Variants in RTN4 observed in about 807,000 individuals in gnomAD.
RTN4 encodes the protein reticulon-4.
RTN4 carries 32 observed loss-of-function variants against 90.4 expected under a neutral mutation model. The ratio of observed to expected loss-of-function variants is 0.35; its 90% confidence interval spans 0.27 to 0.48. The LOEUF is 0.48. Among genes scored for constraint, RTN4 ranks in the 20% least tolerant of loss-of-function variants. RTN4 has a pLI of 0.99. For missense variants in RTN4, 1,706 were observed against 1,430.2 expected (o/e 1.19, Z -3.11); for synonymous variants, 629 against 552.5 (o/e 1.14, Z -1.94).
intron 2 of RTN4, among the ~76,000 whole-genome samples, chr2:55,070,594 C>G (rs909631408): frequency 4.7e-5 from 7 of 150,442 alleles, no homozygotes; most frequent in African/African-American, 1.7e-4. Flanking sequence ...ATAAAATACT[C>G]CCTCCCATTT....
At chr2:55,104,003 G>A (rs1340842082) in intron 1 of RTN4, among the ~76,000 whole-genome samples, 1 of 151,266 alleles carries the variant, frequency 6.6e-6, no homozygotes, top group African/African-American at 2.4e-5. Flanking sequence ...CCTATGTGTA[G>A]CTTTTTATAT....
At chr2:55,020,862 G>T (rs1408760268) in intron 3 of RTN4, among the ~76,000 whole-genome samples, 1 of 151,924 alleles carries the variant, frequency 6.6e-6, no homozygotes, top group East Asian at 1.9e-4. Flanking sequence ...AATTAGCCAG[G>T]CATAGTGACA....
chr2:55,104,811 T>C (rs1457495595), intron 1 of RTN4, among the ~76,000 whole-genome samples: 1 of 151,770 alleles, frequency 6.6e-6, no homozygotes, highest in East Asian at 1.9e-4. Context: ...AGTTTTTTGT[T>C]ATATATGTCT....
At chr2:54,973,291 T>C (rs559160355) in intron 8 of RTN4, 93 bp from the exon 9 acceptor site, 1 of 1,151,912 alleles carries the variant, frequency 8.7e-7, no homozygotes, top group East Asian at 2.5e-5. Context: ...ATTCAGCTAA[T>C]ACAATAAATG....
In RTN4 at chr2:55,063,789, G is replaced by A. The variant is rs983199982; in HGVS notation, c.-63+16700C>T. 2.0e-5 allele frequency among the ~76,000 whole-genome samples: 3 copies of A among 152,000 alleles called. No individual in the cohort carries two copies. The East Asian group carries it at 5.8e-4, about 29-fold the overall frequency. On this transcript the variant is annotated intron_variant, in intron 2 of 3. Coordinates refer to the RTN4 transcript ENST00000427710. ...CCACCTACTTGGGAAGTTGAGGCAG[G>A]AGAATTGCTTGAACCTGGGAGGCAG...
intron 1 of RTN4, among the ~76,000 whole-genome samples, chr2:55,047,945 G>A (rs964901218): frequency 5.3e-5 from 8 of 152,170 alleles, no homozygotes; most frequent in African/African-American, 1.9e-4. Context: ...AGGGGGAACA[G>A]GATCTGAGAA....
chr2:55,049,052 G>A, intron 1 of RTN4: 2 of 964,556 alleles, frequency 2.1e-6, no homozygotes, highest in South Asian at 4.8e-5. Flanking sequence ...TCACACCCCG[G>A]GGAGCTGGGC....
Position 55,027,465 on chromosome 2 carries a change from G to T in RTN4, c.634C>A (p.Gln212Lys). The T allele has an allele frequency of 6.2e-7, 1 of 1,607,658 alleles. No individual in the cohort carries two copies. The highest frequency in any genetic ancestry group is 1.7e-4 in the Middle Eastern group (1 of 6,012). ...SSAENMDLKE[Q>K]PGNTISAGQE... ...CCAGCCGAAATAGTGTTACCTGGCT[G>T]CTCCTTCAAGTCCATATTTTCTGTG... is the stretch of plus-strand genomic sequence containing the variant. Residue 212 changes from glutamine to lysine, a missense_variant, in exon 3 of 9, where the codon CAG (glutamine) becomes AAG (lysine). Transcript: ENST00000337526.
intron 4 of RTN4, among the ~76,000 whole-genome samples, chr2:54,985,774 T>C (rs573693418): frequency 3.3e-5 from 5 of 152,194 alleles, no homozygotes; most frequent in Non-Finnish European, 7.3e-5. Flanking sequence ...AGTTTACCCA[T>C]TAATATCAAC....
chr2:54,982,485 T>A, intron 5 of RTN4, 30 bp downstream of exon 5: 1 of 1,595,512 alleles, frequency 6.3e-7, no homozygotes, highest in Non-Finnish European at 8.5e-7. Context: ...ATTCTGGGTA[T>A]ATCAAAAATG....
the RTN4 span, among the ~76,000 whole-genome samples, chr2:55,120,950 A>G: frequency 6.6e-6 from 1 of 152,146 alleles, no homozygotes; most frequent in Admixed American, 6.5e-5. Flanking sequence ...TAACTTGACC[A>G]ATAAGGAAAC....
chr2:55,109,404 T>C (rs1372247807), intron 1 of RTN4, among the ~76,000 whole-genome samples: 1 of 152,138 alleles, frequency 6.6e-6, no homozygotes, highest in African/African-American at 2.4e-5. Context: ...TGGTATTAAC[T>C]GTGCTTACAA....
At chr2:55,013,665 A>T (rs1407956849) in intron 3 of RTN4, among the ~76,000 whole-genome samples, 2 of 151,112 alleles carry the variant, frequency 1.3e-5, no homozygotes, top group Non-Finnish European at 2.9e-5. Context: ...TTCAGACAGT[A>T]GAAAGTTATA....
At chr2:55,041,674 TCA>T (rs1255070730) in intron 1 of RTN4, among the ~76,000 whole-genome samples, 2 of 152,050 alleles carry the variant, frequency 1.3e-5, no homozygotes, top group Non-Finnish European at 2.9e-5. Context: ...TTTCACTACT[TCA>T]CTCTCTAGAA....
chr2:55,088,759 A>C (rs1419013218), intron 1 of RTN4, among the ~76,000 whole-genome samples: 1 of 152,210 alleles, frequency 6.6e-6, no homozygotes, highest in Non-Finnish European at 1.5e-5. Context: ...GAGATGGATC[A>C]AGGCAGAGGG....
At chr2:54,973,986 TA>T in intron 6 of RTN4, 119 bp from the exon 7 acceptor site, 1 of 819,540 alleles carries the variant, frequency 1.2e-6, no homozygotes, top group Non-Finnish European at 1.9e-6. Context: ...AATGAATGAA[TA>T]AAAACATAAG....
intron 1 of RTN4, among the ~76,000 whole-genome samples, chr2:55,038,265 GAAA>G (rs1682825534): frequency 6.6e-6 from 1 of 151,892 alleles, no homozygotes; most frequent in Non-Finnish European, 1.5e-5. Flanking sequence ...AACCATGAAA[GAAA>G]AAGTAATTAT....
upstream of RTN4, chr2:55,050,520 C>G (rs990053125): frequency 5.1e-6 from 2 of 388,976 alleles, no homozygotes; most frequent in Non-Finnish European, 9.1e-6. The surrounding 1 kb of genome is among the most constrained non-coding windows in gnomAD (Gnocchi z 4.6). Flanking sequence ...CGCCGCCGCC[C>G]AGATGAGCTA....
At position 55,027,035 on chromosome 2, in the gene RTN4, T is replaced by G. The variant is rs1243022014; in HGVS notation, c.1064A>C (p.Lys355Thr). ...ELPTALTKLV[K>T]EDEVVSSEKA... ...TTCTGAAGACACAACTTCATCCTCT[T>G]TAACCAATTTAGTAAGAGCTGTAGG... Residue 355 changes from lysine (K) to threonine (T), a missense_variant, in exon 3 of 9, where the codon AAA (lysine) becomes ACA (threonine). By Grantham distance (78) the Lys-to-Thr change is moderately conservative. Coordinates refer to ENST00000337526, the MANE Select transcript of RTN4 (RefSeq NM_020532.5). 1.2e-6 allele frequency: 2 copies of G among 1,613,596 alleles called. No homozygotes were observed. The highest frequency in any genetic ancestry group is 1.7e-6 in the Non-Finnish European group (2 of 1,179,848).
Sources: gnomAD v4.1 joint callset for allele counts (sites outside exome capture counted in the v4.1 genomes callset) on GRCh38, gnomAD v4.1.1 for gene constraint, Gnocchi (gnomAD v3.1) non-coding constraint, MANE v1.5 for transcripts, NCBI Gene and HGNC (gene_info 2026-07-23, HGNC 2026-07-21) for gene names.